RBFOX1: variants seen among roughly 807,000 people sequenced by gnomAD.
The protein encoded by RBFOX1 is RNA binding protein fox-1 homolog 1.
A neutral mutation model predicts 57.7 loss-of-function variants in RBFOX1; 8 were observed. That is an observed-to-expected ratio of 0.14 (90% CI 0.08 to 0.25). The LOEUF (loss-of-function observed/expected upper bound fraction) is 0.25, where lower values mean the gene tolerates loss of function less well. Among genes scored for constraint, RBFOX1 ranks in the 10% least tolerant of loss-of-function variants. The pLI is 1.00. For synonymous variants in RBFOX1, 326 were observed against 222.4 expected (o/e 1.47, Z -4.15); for missense variants, 611 against 548.5 (o/e 1.11, Z -1.14).
chr16:6,578,976 G>A (rs1006125668), intron 2 of RBFOX1, among the ~76,000 whole-genome samples: 2 of 151,550 alleles, frequency 1.3e-5, no homozygotes, highest in African/African-American at 2.4e-5. Flanking sequence ...CCAAACTGTC[G>A]GAAATCACCA....
At chr16:6,714,965 T>C (rs1329097302) in intron 3 of RBFOX1, among the ~76,000 whole-genome samples, 1 of 152,120 alleles carries the variant, frequency 6.6e-6, no homozygotes, top group Non-Finnish European at 1.5e-5. Flanking sequence ...TTGAAGGAAT[T>C]GTGGTTAAGC....
chr16:6,414,815 A>T (rs1226476867), intron 2 of RBFOX1, among the ~76,000 whole-genome samples: 1 of 152,136 alleles, frequency 6.6e-6, no homozygotes, highest in Non-Finnish European at 1.5e-5. Context: ...GACAATTTTC[A>T]TTGGCACAAC....
At chr16:7,283,094 T>C (rs2095579706) in intron 4 of RBFOX1, among the ~76,000 whole-genome samples, 1 of 152,102 alleles carries the variant, frequency 6.6e-6, no homozygotes, top group Non-Finnish European at 1.5e-5. Flanking sequence ...ATAACGACTT[T>C]TTTTCCTCTG....
rs184342389 is a variant in RBFOX1 at position 7,383,914 on chromosome 16, C to T, written c.28-134233C>T. Among the ~76,000 whole-genome samples, 19 of 152,074 alleles carry T rather than the reference C, an allele frequency of 1.2e-4. No individual in the cohort carries two copies. The East Asian group carries it at 1.4e-3, about 11-fold the overall frequency. ...CTAAAAATACAAAAAATTAGCTGGG[C>T]ATGGTGGCATGTGCCTGTAGTCCCA... On this transcript the variant is annotated intron_variant, in intron 4 of 15. Coordinates refer to ENST00000550418, the MANE Select transcript of RBFOX1 (RefSeq NM_018723.4).
chr16:6,736,924 T>C (rs2070510900), intron 3 of RBFOX1, among the ~76,000 whole-genome samples: 1 of 152,092 alleles, frequency 6.6e-6, no homozygotes. Flanking sequence ...CTGTGATGGA[T>C]TGGTGATGTC....
intron 4 of RBFOX1, among the ~76,000 whole-genome samples, chr16:5,948,850 G>A (rs536668271): frequency 6.6e-6 from 1 of 152,146 alleles, no homozygotes; most frequent in African/African-American, 2.4e-5. Flanking sequence ...ATACACACTA[G>A]TAGGTCCTAT....
At chr16:6,270,667 G>C (rs1359132379) in intron 1 of RBFOX1, among the ~76,000 whole-genome samples, 3 of 152,028 alleles carry the variant, frequency 2.0e-5, no homozygotes, top group Non-Finnish European at 4.4e-5. Flanking sequence ...GAATTAATAG[G>C]AAAACTAGAC....
intron 2 of RBFOX1, among the ~76,000 whole-genome samples, chr16:6,412,315 C>G (rs2093484532): frequency 6.6e-6 from 1 of 152,120 alleles, no homozygotes; most frequent in Non-Finnish European, 1.5e-5. Context: ...TTCATGAACT[C>G]TTTCTGATAA....
At chr16:6,575,581 G>A (rs1244748544) in intron 2 of RBFOX1, among the ~76,000 whole-genome samples, 2 of 152,122 alleles carry the variant, frequency 1.3e-5, no homozygotes, top group African/African-American at 4.8e-5. Flanking sequence ...TAAAGGGCTA[G>A]GCACGGTGGC....
chr16:5,856,226 T>TACATATATATAC (rs2057044866), intron 3 of RBFOX1, among the ~76,000 whole-genome samples: 1 of 52,318 alleles, frequency 1.9e-5, no homozygotes, highest in Non-Finnish European at 3.8e-5. Flanking sequence ...TGTATATATA[T>TACATATATATAC]ATGTATATAT....
chr16:5,814,332 C>T (rs1451547906), intron 3 of RBFOX1, among the ~76,000 whole-genome samples: 3 of 152,172 alleles, frequency 2.0e-5, no homozygotes, highest in Admixed American at 2.0e-4. Context: ...AAAATAAATT[C>T]ACTCTAATTT....
chr16:6,344,961 G>A (rs534058769), intron 2 of RBFOX1, among the ~76,000 whole-genome samples: 34 of 152,154 alleles, frequency 2.2e-4, no homozygotes, highest in South Asian at 1.0e-3. Context: ...CACCGAGCCC[G>A]GCCTGGTCTT....
At chr16:7,317,504 A>G (rs2096466035) in intron 4 of RBFOX1, among the ~76,000 whole-genome samples, 2 of 152,200 alleles carry the variant, frequency 1.3e-5, no homozygotes, top group African/African-American at 4.8e-5. Context: ...GACCATCACC[A>G]TCACGAAGCA....
intron 1 of RBFOX1, among the ~76,000 whole-genome samples, chr16:6,046,715 C>A (rs543585072): frequency 6.6e-6 from 1 of 152,150 alleles, no homozygotes; most frequent in Non-Finnish European, 1.5e-5. Flanking sequence ...CTCAAGGTAA[C>A]CTTGCAGAGA....
At position 7,171,487 on chromosome 16, in the gene RBFOX1, G is replaced by T. The variant is rs150104772; in HGVS notation, c.27+119389G>T. Reference sequence around the variant, plus strand: ...ACTAGATTGCAGGATTATAGAAAGAGATTTCTTTCAGTGTGAATCCTTAAT... The same window carrying T: ...ACTAGATTGCAGGATTATAGAAAGATATTTCTTTCAGTGTGAATCCTTAAT... On this transcript the variant is annotated intron_variant, in intron 4 of 15. Transcript: ENST00000550418. Among the ~76,000 whole-genome samples the T allele has an allele frequency of 1.2e-3, 179 of 152,314 alleles. 1 individual carries two copies. The highest frequency in any genetic ancestry group is 7.5e-3 in the South Asian group (36 of 4,826).
intron 3 of RBFOX1, among the ~76,000 whole-genome samples, chr16:6,889,947 G>A (rs1474873971): frequency 6.6e-6 from 1 of 152,148 alleles, no homozygotes. Context: ...TATTTCAGTG[G>A]TTACCTGTGA....
intron 1 of RBFOX1, among the ~76,000 whole-genome samples, chr16:6,063,345 A>G (rs1413607250): frequency 6.6e-6 from 1 of 152,106 alleles, no homozygotes; most frequent in Non-Finnish European, 1.5e-5. Context: ...AGGGAAATCA[A>G]TATGGGTTCA....
intron 4 of RBFOX1, among the ~76,000 whole-genome samples, chr16:7,067,850 A>G (rs1404948480): frequency 6.6e-6 from 1 of 151,642 alleles, no homozygotes; most frequent in Non-Finnish European, 1.5e-5. Context: ...CCATGTCCCT[A>G]CAAAGGACAT....
At chr16:5,828,015 A>G (rs543745962) in intron 3 of RBFOX1, among the ~76,000 whole-genome samples, 16 of 145,902 alleles carry the variant, frequency 1.1e-4, no homozygotes, top group East Asian at 4.1e-4. Context: ...TCCATCATCT[A>G]TCTAGTCTTC....
Sources: allele counts gnomAD v4.1 joint callset (sites outside exome capture counted in the v4.1 genomes callset), GRCh38; gene constraint gnomAD v4.1.1; transcripts MANE v1.5; gene names NCBI Gene and HGNC (gene_info 2026-07-23, HGNC 2026-07-21).